Variants in PAX9 observed in about 807,000 individuals in gnomAD.
The protein encoded by PAX9 is paired box 9.
A neutral mutation model predicts 29.1 loss-of-function variants in PAX9; 6 were observed. The ratio of observed to expected loss-of-function variants is 0.21; its 90% CI spans 0.11 to 0.41. The LOEUF (loss-of-function observed/expected upper bound fraction) is 0.41, where lower values mean the gene tolerates loss of function less well. PAX9 is among the 10% of genes least tolerant of loss of function. The pLI, the probability that PAX9 is intolerant of heterozygous loss-of-function variation, is 1.00. For synonymous variants in PAX9, 217 were observed against 211.7 expected, an observed-to-expected ratio of 1.03 and a Z score of -0.22; for missense variants, 443 against 479.1, an observed-to-expected ratio of 0.92 and a Z score of 0.70.
Position 36,679,331 on chromosome 14 carries a change from A to C in PAX9, c.*2879A>C. The C allele has an allele frequency of 1.0e-6, 1 of 969,560 alleles. No individual in the cohort carries two copies. The highest frequency in any genetic ancestry group is 1.2e-6 in the Non-Finnish European group (1 of 815,594). The allele number at this position is 969,560 out of a possible 1,614,324, so 60.1% of individuals were successfully genotyped here. A position where few individuals can be genotyped will look rare whatever the true frequency, so the allele number is the denominator to read the frequency against. ...CAAAAGCCTTTTATTTTTATACTTC[A>C]AATGCTCTAAATTAATAAAAAGTAA... On this transcript the variant is annotated 3_prime_UTR_variant, in exon 4 of 4. Transcript: ENST00000361487.
intron 3 of PAX9, among the ~76,000 whole-genome samples, chr14:36,670,749 A>G (rs1275891561): frequency 1.3e-5 from 2 of 152,094 alleles, no homozygotes; most frequent in Non-Finnish European, 2.9e-5. Flanking sequence ...TGTATAAAAT[A>G]GCAGGGAAAG....
At position 36,662,922 on chromosome 14, in the gene PAX9, G is replaced by A. The variant is rs146561842; in HGVS notation, c.30G>A (p.Gln10=). 115 of 1,612,586 alleles carry A rather than the reference G, an allele frequency of 7.1e-5. No individual in the cohort carries two copies. In the African/African-American group the frequency reaches 1.4e-3, roughly 20 times the overall value. MEPAFGEVN[Q]LGGVFVNGRP... ...AGCCAGCCTTCGGGGAGGTGAACCA[G>A]CTGGGAGGAGTGTTCGTGAACGGGA... The change falls in exon 2 of 4, where the codon CAG becomes CAA. Residue 10 remains glutamine (Q), a synonymous_variant. Coordinates refer to ENST00000361487, the MANE Select transcript of PAX9 (RefSeq NM_001372076.1).
chr14:36,661,755 T>G, upstream of PAX9: 1 of 452,204 alleles, frequency 2.2e-6, no homozygotes, highest in Non-Finnish European at 3.9e-6. Flanking sequence ...TGGACTGCGC[T>G]GTCGCTCACC....
At position 36,666,695 on chromosome 14, in the gene PAX9, C is replaced by T. The variant is rs1030967895; in HGVS notation, c.771+94C>T. 3 of 1,453,894 alleles carry T rather than the reference C, an allele frequency of 2.1e-6. No homozygotes were observed. In the African/African-American group the frequency reaches 4.2e-5, roughly 20 times the overall value. 90.1% of individuals were successfully genotyped at this position (1,453,894 alleles called of 1,614,324 possible). A position where few individuals can be genotyped will look rare whatever the true frequency, so the allele number is the denominator to read the frequency against. ...GATGGGTCCCTTTCTGAGCTTCCCG[C>T]GAGAGAAGCCCAGGCTGGCGTCCCT... On this transcript the variant is annotated intron_variant, in intron 3 of 3. Transcript: ENST00000361487.
At chr14:36,659,449 C>A (rs1202000671), upstream of PAX9, among the ~76,000 whole-genome samples, 5 of 152,196 alleles carry the variant, frequency 3.3e-5, no homozygotes, top group Admixed American at 2.6e-4. Context: ...ATCCCGCTGA[C>A]CCTGTCTGCA....
chr14:36,671,102 C>A, intron 3 of PAX9: 1 of 432,372 alleles, frequency 2.3e-6, no homozygotes, highest in Non-Finnish European at 4.6e-6. Flanking sequence ...AGGTGAAGCA[C>A]ATCTCTATTT....
At position 36,676,957 on chromosome 14, in the gene PAX9, A is replaced by G. The variant is rs1473848869; in HGVS notation, c.*505A>G. ...TTAATTCATCATTAGGAAACAAATC[A>G]ATAAGTGACTTGTTTGAGTGATCCT... On this transcript the variant is annotated 3_prime_UTR_variant, in exon 4 of 4. Coordinates refer to ENST00000361487, the MANE Select transcript of PAX9 (RefSeq NM_001372076.1). 5.7e-6 allele frequency: 1 copy of G among 174,278 alleles called. No individual in the cohort carries two copies. The highest frequency in any genetic ancestry group is 1.2e-5 in the Non-Finnish European group (1 of 80,118). 10.8% of individuals were successfully genotyped at this position (174,278 alleles called of 1,614,324 possible).
At position 36,676,356 on chromosome 14, in the gene PAX9, G is replaced by C. The variant is rs116602527; in HGVS notation, c.930G>C (p.Leu310Phe). The C allele has an allele frequency of 5.6e-6, 9 of 1,614,122 alleles. No homozygotes were observed. In the African/African-American group the frequency reaches 1.1e-4, roughly 19 times the overall value. Reference sequence around the variant, plus strand: ...GGCAACATGCTGGGGGCACCTCATTGTCTCCCCACAACTGTGACATTCCGG... The same window carrying C: ...GGCAACATGCTGGGGGCACCTCATTCTCTCCCCACAACTGTGACATTCCGG... The part of the protein sequence containing the change: ...HGWQHAGGTS[L>F]SPHNCDIPAS... Residue 310 changes from leucine to phenylalanine, a missense_variant, in exon 4 of 4, where the codon TTG (leucine) becomes TTC (phenylalanine). Physicochemically the swap from Leu to Phe is conservative, Grantham distance 22. Coordinates refer to ENST00000361487, the MANE Select transcript of PAX9 (RefSeq NM_001372076.1).
chr14:36,671,315 A>G (rs1206757201), intron 3 of PAX9, among the ~76,000 whole-genome samples: 1 of 152,136 alleles, frequency 6.6e-6, no homozygotes, highest in African/African-American at 2.4e-5. Context: ...GACATTTGCC[A>G]TACCAGTTTT....
Position 36,679,109 on chromosome 14 carries a change from T to G in PAX9, c.*2657T>G, listed in dbSNP as rs1882058957. The G allele has an allele frequency of 1.0e-6, 1 of 985,296 alleles. No homozygotes were observed. 61.0% of individuals were successfully genotyped at this position (985,296 alleles called of 1,614,324 possible). ...TTCATGACCTCTATGCAGGCAGCGCTCTCATTGGATGTAAGAATATTACCT... is the reference window on the plus strand; with the variant it reads ...TTCATGACCTCTATGCAGGCAGCGCGCTCATTGGATGTAAGAATATTACCT... On this transcript the variant is annotated 3_prime_UTR_variant, in exon 4 of 4. Transcript: ENST00000361487.
At position 36,662,084 on chromosome 14, in the gene PAX9, G is replaced by A. The variant is rs899238144; in HGVS notation, c.-6G>A. On this transcript the variant is annotated 5_prime_UTR_variant, in exon 1 of 4. Coordinates refer to ENST00000361487, the MANE Select transcript of PAX9 (RefSeq NM_001372076.1). Reference sequence around the variant, plus strand: ...CTGGGGCCGGGTTGGTGTACTGCTCGGAGCAATGGGTGAGTGGCGGCGGGG... The same window carrying A: ...CTGGGGCCGGGTTGGTGTACTGCTCAGAGCAATGGGTGAGTGGCGGCGGGG... 1.3e-6 allele frequency: 2 copies of A among 1,554,046 alleles called. No individual in the cohort carries two copies. Among genetic ancestry groups the A allele is most frequent in the South Asian group, 1.2e-5 (1 of 84,400 alleles).
chr14:36,658,473 G>C (rs1470384963), upstream of PAX9: 2 of 152,364 alleles, frequency 1.3e-5, no homozygotes, highest in African/African-American at 2.4e-5. Flanking sequence ...ACTCGGAATA[G>C]AACAACCTCT....
chr14:36,668,476 C>T (rs1282130048), intron 3 of PAX9, among the ~76,000 whole-genome samples: 2 of 152,184 alleles, frequency 1.3e-5, no homozygotes, highest in African/African-American at 2.4e-5. Flanking sequence ...GCAGCCTCTG[C>T]CTCCCGGGTT....
intron 3 of PAX9, among the ~76,000 whole-genome samples, chr14:36,667,408 GTCAAGAGT>G (rs1037910122): frequency 2.0e-5 from 3 of 151,542 alleles, no homozygotes; most frequent in African/African-American, 7.3e-5. Context: ...CCGTCCTGGA[GTCAAGAGT>G]TCAAAACTCT....
chr14:36,659,361 C>T (rs1881167831), upstream of PAX9, among the ~76,000 whole-genome samples: 1 of 152,224 alleles, frequency 6.6e-6, no homozygotes, highest in Admixed American at 6.5e-5. Context: ...CGGTCGGTCT[C>T]AGCGGGTCGC....
In PAX9 at chr14:36,678,467, A is replaced by ACAT. The variant is rs1298264445; in HGVS notation, c.*2017_*2019dup. 1 of 1,532,578 alleles carries ACAT rather than the reference A, an allele frequency of 6.5e-7. No individual in the cohort carries two copies. Among genetic ancestry groups the ACAT allele is most frequent in the African/African-American group, 1.4e-5 (1 of 72,942 alleles). The allele number at this position is 1,532,578 out of a possible 1,614,324, so 94.9% of individuals were successfully genotyped here. A position where few individuals can be genotyped will look rare whatever the true frequency, so the allele number is the denominator to read the frequency against. On this transcript the variant is annotated 3_prime_UTR_variant, in exon 4 of 4. Coordinates refer to ENST00000361487, the MANE Select transcript of PAX9 (RefSeq NM_001372076.1). ...CTTTGATCTTGTAAAACTTCCATTG[A>ACAT]CATCTGGAGTTCCCAGTCTGGTGAG...
At chr14:36,674,499 G>A (rs1264720654) in intron 3 of PAX9, among the ~76,000 whole-genome samples, 1 of 152,186 alleles carries the variant, frequency 6.6e-6, no homozygotes, top group Non-Finnish European at 1.5e-5. Flanking sequence ...GTATTCAACA[G>A]TTATGTGCGG....
At position 36,677,727 on chromosome 14, in the gene PAX9, A is replaced by G. The variant is rs772986872; in HGVS notation, c.*1275A>G. 1 of 152,258 alleles carries G rather than the reference A, an allele frequency of 6.6e-6. No homozygotes were observed. Among genetic ancestry groups the G allele is most frequent in the Non-Finnish European group, 1.5e-5 (1 of 68,046 alleles). 9.4% of individuals were successfully genotyped at this position (152,258 alleles called of 1,614,324 possible). On this transcript the variant is annotated 3_prime_UTR_variant, in exon 4 of 4. Coordinates refer to ENST00000361487, the MANE Select transcript of PAX9 (RefSeq NM_001372076.1). ...CGCATGTAGGTAAACTGGTGGTGGT[A>G]CTAGAAATACAATGTTATTTAATTT...
intron 2 of PAX9, 149 bp from the exon 3 acceptor site, chr14:36,666,313 G>C: frequency 1.0e-6 from 1 of 981,160 alleles, no homozygotes; most frequent in Non-Finnish European, 1.5e-6. Context: ...GGAGGTCGCG[G>C]CTGGGCCCAG....
Sources: gnomAD v4.1 joint callset for allele counts (sites outside exome capture counted in the v4.1 genomes callset) on GRCh38, gnomAD v4.1.1 for gene constraint, MANE v1.5 for transcripts, NCBI Gene and HGNC (gene_info 2026-07-23, HGNC 2026-07-21) for gene names.